ABCC5: variants seen among roughly 807,000 people sequenced by gnomAD.
The protein encoded by ABCC5 is ATP-binding cassette sub-family C member 5.
In ABCC5, 61 loss-of-function variants were observed where a neutral mutation model predicts 160.9. The ratio of observed to expected loss-of-function variants is 0.38; its 90% CI spans 0.31 to 0.47. The LOEUF is 0.47. ABCC5 is among the 20% of genes least tolerant of loss of function. The probability of loss-of-function intolerance (pLI) is 0.99; values close to 1 mark genes in which losing one functional copy is unlikely to be tolerated. For synonymous variants in ABCC5, 666 were observed against 700.6 expected, an observed-to-expected ratio of 0.95 and a Z score of 0.78; for missense variants, 1,308 against 1,813.3, an observed-to-expected ratio of 0.72 and a Z score of 5.06.
chr3:183,932,457 G>A (rs1560470277), intron 26 of ABCC5, among the ~76,000 whole-genome samples: 1 of 152,208 alleles, frequency 6.6e-6, no homozygotes, highest in Non-Finnish European at 1.5e-5. Flanking sequence ...GATCCACAAA[G>A]AGGCACGTCT....
chr3:183,984,393 TA>T (rs1719014141), intron 5 of ABCC5: 1 of 991,676 alleles, frequency 1.0e-6, no homozygotes, highest in Admixed American at 5.8e-5. Context: ...AGGTGCCTTA[TA>T]GCAAAGGTGA....
At position 183,945,995 on chromosome 3, in the gene ABCC5, C is replaced by T; in HGVS notation, c.3415-56G>A. ...AATTCATTATCAATACACGCCAGGCCAATGCTGGAGAACTTCCTTCATCTA... is the reference window on the plus strand; with the variant it reads ...AATTCATTATCAATACACGCCAGGCTAATGCTGGAGAACTTCCTTCATCTA... On this transcript the variant is annotated intron_variant, in intron 23 of 29. Transcript: ENST00000334444. The T allele has an allele frequency of 6.0e-6, 9 of 1,509,420 alleles. No individual in the cohort carries two copies. In the South Asian group the frequency reaches 1.0e-4, roughly 17 times the overall value. 93.5% of individuals were successfully genotyped at this position (1,509,420 alleles called of 1,614,324 possible). A position where few individuals can be genotyped will look rare whatever the true frequency, so the allele number is the denominator to read the frequency against.
Position 184,017,718 on chromosome 3 carries a change from C to T in ABCC5, c.-56+112G>A, listed in dbSNP as rs1722309337. The stretch of plus-strand genomic sequence containing the variant: ...CGTTCCCCAAGTCTCCAGTGTCCCC[C>T]GAACTGCTCGCAGCCCTGGCCACAT... On this transcript the variant is annotated intron_variant, in intron 1 of 29. Transcript: ENST00000334444. The surrounding 1 kb of genome is among the most constrained non-coding windows in gnomAD (Gnocchi z 4.5). 1 of 152,550 alleles carries T rather than the reference C, an allele frequency of 6.6e-6. No individual in the cohort carries two copies. Among genetic ancestry groups the T allele is most frequent in the South Asian group, 2.1e-4 (1 of 4,840 alleles). The allele number at this position is 152,550 out of a possible 1,614,324, so 9.4% of individuals were successfully genotyped here. A position where few individuals can be genotyped will look rare whatever the true frequency, so the allele number is the denominator to read the frequency against.
chr3:183,974,420 G>C (rs1303688273), intron 10 of ABCC5, among the ~76,000 whole-genome samples: 5 of 152,132 alleles, frequency 3.3e-5, no homozygotes, highest in Admixed American at 3.3e-4. Context: ...CCATTCTCCT[G>C]TGTCAGCCCT....
At chr3:184,013,301 G>T (rs1452877911) in intron 2 of ABCC5, among the ~76,000 whole-genome samples, 6 of 152,060 alleles carry the variant, frequency 3.9e-5, no homozygotes, top group Non-Finnish European at 7.4e-5. Context: ...TGTTGCCCAG[G>T]CTGGAGTGCA....
chr3:183,926,097 C>T (rs1712523990), intron 28 of ABCC5, among the ~76,000 whole-genome samples: 1 of 146,594 alleles, frequency 6.8e-6, no homozygotes, highest in South Asian at 2.1e-4. Context: ...CTCGGCCTCC[C>T]AAAGTGCTGG....
chr3:183,988,549 G>A lies in ABCC5; in HGVS notation c.443+23C>T. 1 of 1,600,886 alleles carries A rather than the reference G, an allele frequency of 6.2e-7. No homozygotes were observed. On this transcript the variant is annotated intron_variant, in intron 4 of 29. Transcript: ENST00000334444. This position sits in a 1 kb window ranked among gnomAD's most constrained non-coding sequence, Gnocchi z 4.4. ...CCTGCCCACCCGGCATGGGGGAGAT[G>A]AGGGTGGACCAGAGGCGCCTACCTT...
chr3:184,014,492 T>C, intron 1 of ABCC5, 45 bp from the exon 2 acceptor site: 1 of 1,243,880 alleles, frequency 8.0e-7, no homozygotes, highest in Non-Finnish European at 1.0e-6. Context: ...TCCTAAACAG[T>C]ACTTAACCAT....
Position 183,951,902 on chromosome 3 carries a change from T to C in ABCC5, c.2769A>G (p.Ala923=). The C allele has an allele frequency of 1.9e-6, 3 of 1,614,052 alleles. No homozygotes were observed. The highest frequency in any genetic ancestry group is 2.5e-6 in the Non-Finnish European group (3 of 1,179,914). ...YYASIYALSM[A]VMLILKAIRG... is the part of the protein sequence containing the mutation. ...GAATGGCTTTCAGGATCAGCATGAC[T>C]GCCATGGAGAGGGCGTAGATGCTGG... is the stretch of plus-strand genomic sequence containing the variant. The change falls in exon 19 of 30, where the codon GCA becomes GCG. Residue 923 remains alanine, a synonymous_variant. Coordinates refer to ENST00000334444, the MANE Select transcript of ABCC5 (RefSeq NM_005688.4). This position sits in a 1 kb window ranked among gnomAD's most constrained non-coding sequence, Gnocchi z 4.7.
chr3:183,954,607 C>G (rs952202751), intron 17 of ABCC5, among the ~76,000 whole-genome samples: 1 of 152,214 alleles, frequency 6.6e-6, no homozygotes, highest in Non-Finnish European at 1.5e-5. Context: ...GACATAGTAA[C>G]TGGCTGGCTG....
Position 183,988,892 on chromosome 3 carries a change from G to T in ABCC5, c.288-165C>A, listed in dbSNP as rs926284225. On this transcript the variant is annotated intron_variant, in intron 3 of 29. Transcript: ENST00000334444. The surrounding 1 kb of genome is among the most constrained non-coding windows in gnomAD (Gnocchi z 4.4). ...CTAAAACGGCTTTGATGGGCCGGGC[G>T]CGGTGGCTCACACCTGTAATCCCAG... 2.0e-5 allele frequency among the ~76,000 whole-genome samples: 3 copies of T among 152,084 alleles called. No individual in the cohort carries two copies. The highest frequency in any genetic ancestry group is 2.9e-5 in the Non-Finnish European group (2 of 68,024).
At chr3:183,953,039 G>A (rs371903269) in intron 18 of ABCC5, 47 bp downstream of exon 18, 20 of 1,543,156 alleles carry the variant, frequency 1.3e-5, no homozygotes, top group South Asian at 1.2e-4. Flanking sequence ...AGGGAGAAAC[G>A]GCCACATTCT....
intron 17 of ABCC5, among the ~76,000 whole-genome samples, chr3:183,956,936 G>A (rs1311357501): frequency 5.0e-5 from 7 of 140,290 alleles, no homozygotes; most frequent in African/African-American, 1.1e-4. Flanking sequence ...AAATCACATC[G>A]GTTACATGCG....
At chr3:183,983,531 C>G (rs1158673898) in intron 5 of ABCC5, 1 of 159,398 alleles carries the variant, frequency 6.3e-6, no homozygotes, top group Non-Finnish European at 1.4e-5. Flanking sequence ...ACAAAGCAGG[C>G]TATCAAAAAT....
intron 17 of ABCC5, among the ~76,000 whole-genome samples, chr3:183,954,096 T>C (rs1046376859): frequency 3.9e-5 from 6 of 152,038 alleles, no homozygotes; most frequent in Admixed American, 6.5e-5. Flanking sequence ...TATTTGAAAA[T>C]GGAAGGTTAC....
chr3:183,968,329 C>G (rs971582669), intron 11 of ABCC5, among the ~76,000 whole-genome samples: 11 of 152,220 alleles, frequency 7.2e-5, no homozygotes, highest in African/African-American at 2.6e-4. Flanking sequence ...ACGCTCGTCT[C>G]AAACTCCTGG....
rs376646820 is a variant in ABCC5 at position 183,949,959 on chromosome 3, G to C, written c.3098+13C>G. 8 of 1,613,902 alleles carry C rather than the reference G, an allele frequency of 5.0e-6. No individual in the cohort carries two copies. The Admixed American group carries it at 1.0e-4, about 20-fold the overall frequency. On this transcript the variant is annotated intron_variant, in intron 21 of 29. Transcript: ENST00000334444. The surrounding 1 kb of genome is among the most constrained non-coding windows in gnomAD (Gnocchi z 4.2). ...CTCCGTGGCCCCAGCAGACATGAAC[G>C]CTTCCTATTTACCTGGAGACAATGT... is the stretch of plus-strand genomic sequence containing the variant.
In ABCC5 at chr3:183,937,924, C is replaced by T. The variant is rs768540772; in HGVS notation, c.3831G>A (p.Pro1277=). The change falls in exon 26 of 30, where the codon CCG becomes CCA. Residue 1277 remains proline, a synonymous_variant. Coordinates refer to ENST00000334444, the MANE Select transcript of ABCC5 (RefSeq NM_005688.4). ...ACCTGACAGTGCCACTGAACAGCACCGGCTCTTGAGGAATGATAGAGAGTT... is the reference window on the plus strand; with the variant it reads ...ACCTGACAGTGCCACTGAACAGCACTGGCTCTTGAGGAATGATAGAGAGTT... ...RSKLSIIPQE[P]VLFSGTVRSN... 41 of 1,614,022 alleles carry T rather than the reference C, an allele frequency of 2.5e-5. No individual in the cohort carries two copies. Among genetic ancestry groups the T allele is most frequent in the African/African-American group, 1.3e-4 (10 of 74,912 alleles).
At chr3:184,005,519 TTAA>T (rs746887937) in intron 2 of ABCC5, among the ~76,000 whole-genome samples, 27 of 152,196 alleles carry the variant, frequency 1.8e-4, no homozygotes, top group Admixed American at 3.3e-4. Context: ...GTCTGTGAGT[TTAA>T]TAATGACAGG....
Sources: allele counts gnomAD v4.1 joint callset (sites outside exome capture counted in the v4.1 genomes callset), GRCh38; gene constraint gnomAD v4.1.1; non-coding constraint Gnocchi (gnomAD v3.1); transcripts MANE v1.5; gene names NCBI Gene and HGNC (gene_info 2026-07-23, HGNC 2026-07-21).